The following IQSEC1 variants were observed in gnomAD, a reference collection of about 807,000 sequenced individuals.
IQSEC1 encodes the protein IQ motif and Sec7 domain ArfGEF 1, also known as IQ motif and SEC7 domain-containing protein 1.
IQSEC1 carries 31 observed loss-of-function variants against 91.0 expected under a neutral mutation model. The observed-to-expected ratio is 0.34, with a 90% confidence interval of 0.26 to 0.46. The LOEUF (loss-of-function observed/expected upper bound fraction) is 0.46. IQSEC1 is among the 20% of genes least tolerant of loss of function. IQSEC1 has a pLI of 1.00. For missense variants in IQSEC1, 1,388 were observed against 1,575.6 expected (o/e 0.88, Z 2.02); for synonymous variants, 699 against 662.6 (o/e 1.05, Z -0.84).
At chr3:13,161,823 G>A (rs769083043) in intron 2 of IQSEC1, among the ~76,000 whole-genome samples, 8 of 152,196 alleles carry the variant, frequency 5.3e-5, no homozygotes, top group Non-Finnish European at 1.2e-4. Context: ...TCCTGTCTGT[G>A]CACCCTGCTG....
intron 2 of IQSEC1, among the ~76,000 whole-genome samples, chr3:13,161,428 G>A (rs746594631): frequency 6.6e-6 from 1 of 152,320 alleles, no homozygotes; most frequent in South Asian, 2.1e-4. Context: ...GACCCCGCAC[G>A]GACACTGCTC....
intron 1 of IQSEC1, among the ~76,000 whole-genome samples, chr3:13,222,028 G>A (rs1694669228): frequency 6.6e-6 from 1 of 152,212 alleles, no homozygotes; most frequent in Non-Finnish European, 1.5e-5. Context: ...TTATGGTAAA[G>A]GATACATAAC....
intron 1 of IQSEC1, among the ~76,000 whole-genome samples, chr3:13,224,172 C>CA (rs1694711656): frequency 6.6e-6 from 1 of 152,126 alleles, no homozygotes; most frequent in African/African-American, 2.4e-5. Flanking sequence ...GAGCCTACCA[C>CA]AGGGGCCGTT....
At chr3:13,194,550 AC>A (rs1391837162) in intron 1 of IQSEC1, among the ~76,000 whole-genome samples, 1 of 151,218 alleles carries the variant, frequency 6.6e-6, no homozygotes, top group Non-Finnish European at 1.5e-5. Context: ...CTCGCTTTCC[AC>A]CCCCCTTCTC....
chr3:13,253,660 C>T (rs1158205236), intron 1 of IQSEC1, among the ~76,000 whole-genome samples: 5 of 152,206 alleles, frequency 3.3e-5, no homozygotes, highest in Non-Finnish European at 7.3e-5. Context: ...GGGCACTAAG[C>T]AGAATGATTC....
At position 12,899,275 on chromosome 3, in the gene IQSEC1, C is replaced by G; in HGVS notation, c.*1708G>C. 1 of 1,190,990 alleles carries G rather than the reference C, an allele frequency of 8.4e-7. No homozygotes were observed. 73.8% of individuals were successfully genotyped at this position (1,190,990 alleles called of 1,614,324 possible). A position where few individuals can be genotyped will look rare whatever the true frequency, so the allele number is the denominator to read the frequency against. ...CCTGCCGTCCGGCCACGGCTCACCACGCTGTCCACTGGGAACGCGGCCCCG... is the reference window on the plus strand; with the variant it reads ...CCTGCCGTCCGGCCACGGCTCACCAGGCTGTCCACTGGGAACGCGGCCCCG... On this transcript the variant is annotated 3_prime_UTR_variant, in exon 14 of 14. Coordinates refer to ENST00000613206, the MANE Select transcript of IQSEC1 (RefSeq NM_001134382.3).
At chr3:13,017,538 C>T (rs1184575102) in intron 1 of IQSEC1, among the ~76,000 whole-genome samples, 1 of 152,206 alleles carries the variant, frequency 6.6e-6, no homozygotes, top group East Asian at 1.9e-4. Flanking sequence ...GGTGAGGAAA[C>T]CAGTAACGCA....
rs1024949002 is a variant in IQSEC1, at chr3:12,967,626, C to G, written c.24-25761G>C. The stretch of plus-strand genomic sequence containing the variant: ...CTGGTCCAGCGTCCGCCGGCTCCCG[C>G]GGCTCCGGCCCCAAGTCCGAGCCCC... On this transcript the variant is annotated intron_variant, in intron 1 of 13. Transcript: ENST00000613206. This position sits in a 1 kb window ranked among gnomAD's most constrained non-coding sequence, Gnocchi z 5.9. 2.1e-5 allele frequency: 26 copies of G among 1,232,756 alleles called. No individual in the cohort carries two copies. Among genetic ancestry groups the G allele is most frequent in the Middle Eastern group, 3.2e-4 (1 of 3,160 alleles). The allele number at this position is 1,232,756 out of a possible 1,614,324, so 76.4% of individuals were successfully genotyped here. A position where few individuals can be genotyped will look rare whatever the true frequency, so the allele number is the denominator to read the frequency against.
intron 1 of IQSEC1, among the ~76,000 whole-genome samples, chr3:13,258,826 C>A (rs1456842835): frequency 2.0e-5 from 3 of 152,218 alleles, no homozygotes; most frequent in African/African-American, 7.2e-5. Context: ...GCCCCCCTCC[C>A]CACCCCACAG....
chr3:13,171,697 C>T (rs560510681), intron 1 of IQSEC1, among the ~76,000 whole-genome samples: 68 of 152,164 alleles, frequency 4.5e-4, no homozygotes, highest in Non-Finnish European at 7.2e-4. Flanking sequence ...CTATAGAGAC[C>T]CATTCCCTAT....
At chr3:12,943,240 C>T (rs1178685094) in intron 1 of IQSEC1, among the ~76,000 whole-genome samples, 1 of 152,156 alleles carries the variant, frequency 6.6e-6, no homozygotes, top group Non-Finnish European at 1.5e-5. Flanking sequence ...ACCTCCTGTC[C>T]CTGCAATGTG....
chr3:13,084,893 G>A (rs1196936391), intron 2 of IQSEC1, among the ~76,000 whole-genome samples: 2 of 149,136 alleles, frequency 1.3e-5, no homozygotes, highest in African/African-American at 4.9e-5. Flanking sequence ...GGCAGCCTGG[G>A]CTATGATTAG....
At chr3:13,034,520 C>T (rs1307106944) in intron 1 of IQSEC1, among the ~76,000 whole-genome samples, 1 of 152,142 alleles carries the variant, frequency 6.6e-6, no homozygotes, top group Non-Finnish European at 1.5e-5. Flanking sequence ...GAGGAGAGGG[C>T]GTAGTGAAAG....
intron 1 of IQSEC1, among the ~76,000 whole-genome samples, chr3:13,038,260 G>GTATATATATATATATA (rs1452632242): frequency 6.7e-4 from 42 of 62,336 alleles, no homozygotes; most frequent in South Asian, 1.3e-3. Flanking sequence ...GTGTGTGTGT[G>GTATATATATATATATA]TGTATATATA....
At chr3:12,912,226 G>T (rs1435272610) in intron 9 of IQSEC1, among the ~76,000 whole-genome samples, 3 of 152,220 alleles carry the variant, frequency 2.0e-5, no homozygotes, top group African/African-American at 7.2e-5. Context: ...CTGCTATTCT[G>T]GTCTACAGTA....
intron 2 of IQSEC1, among the ~76,000 whole-genome samples, chr3:13,095,862 G>A (rs1401037532): frequency 6.6e-6 from 1 of 152,226 alleles, no homozygotes; most frequent in African/African-American, 2.4e-5. Context: ...GGCCTGGGAA[G>A]GATGAGGCTG....
intron 1 of IQSEC1, among the ~76,000 whole-genome samples, chr3:13,072,728 G>C (rs533677392): frequency 2.6e-5 from 4 of 152,318 alleles, no homozygotes; most frequent in Non-Finnish European, 4.4e-5. Context: ...GATCTGGGAG[G>C]GGGGATACCT....
In IQSEC1 at chr3:13,235,486, T is replaced by C. The variant is rs1278286627; in HGVS notation, c.272+47225A>G. Among the ~76,000 whole-genome samples the C allele has an allele frequency of 3.3e-5, 5 of 151,922 alleles. No homozygotes were observed. In the East Asian group the frequency reaches 9.7e-4, roughly 29 times the overall value. ...GGGGCTGTGCACCCCAACAACAAAA[T>C]CCCTGGTGCTGAGCTGGTTGGGGGA... On this transcript the variant is annotated intron_variant, in intron 1 of 15. Coordinates refer to the IQSEC1 transcript ENST00000648114.
intron 2 of IQSEC1, among the ~76,000 whole-genome samples, chr3:13,139,050 G>A (rs1168940867): frequency 6.6e-6 from 1 of 152,172 alleles, no homozygotes; most frequent in East Asian, 1.9e-4. Context: ...GTAGCATCAG[G>A]AGTGACAACA....
Sources: allele counts gnomAD v4.1 joint callset (sites outside exome capture counted in the v4.1 genomes callset), GRCh38; gene constraint gnomAD v4.1.1; non-coding constraint Gnocchi (gnomAD v3.1); transcripts MANE v1.5; gene names NCBI Gene and HGNC (gene_info 2026-07-23, HGNC 2026-07-21).